Variants in ZNF169 observed in about 807,000 individuals in gnomAD.
ZNF169 encodes zinc finger protein 169.
Under a neutral mutation model 12.0 loss-of-function variants are expected in ZNF169, and 11 were observed. That is an observed-to-expected ratio of 0.92 (90% CI 0.58 to 1.52). The LOEUF is 1.52. Ranked by LOEUF, ZNF169 falls within the 40% of genes most tolerant of loss-of-function variation. ZNF169 has a pLI of 0.00. For synonymous variants in ZNF169, 302 were observed against 286.5 expected (o/e 1.05, Z -0.55); for missense variants, 722 against 744.0 (o/e 0.97, Z 0.34).
chr9:94,296,917 C>T (rs966221778), intron 4 of ZNF169: 15 of 432,482 alleles, frequency 3.5e-5, no homozygotes, highest in South Asian at 1.2e-4. Context: ...TGTGGTGGTG[C>T]GCACCTGTAA....
intron 2 of ZNF169, chr9:94,287,952 T>G (rs541927539): frequency 3.6e-5 from 30 of 832,502 alleles, no homozygotes; most frequent in South Asian, 3.6e-4. Context: ...CTCCAACTTC[T>G]TGTTCACCTT....
In ZNF169 at chr9:94,278,752, C is replaced by T. The variant is rs1830567341; in HGVS notation, c.-55-6C>T. On this transcript the variant is annotated splice_polypyrimidine_tract_variant and splice_region_variant and intron_variant, in intron 1 of 4. Transcript: ENST00000395395. ...TACCTCTCTCACTTCTCATCTCTTT[C>T]CCCAGATTTGCCTCTGCAACTTGAC... 6.5e-7 allele frequency: 1 copy of T among 1,545,078 alleles called. No individual in the cohort carries two copies. Among genetic ancestry groups the T allele is most frequent in the African/African-American group, 1.4e-5 (1 of 73,556 alleles).
At chr9:94,293,501 C>G (rs1328040393) in intron 4 of ZNF169, 1 of 341,142 alleles carries the variant, frequency 2.9e-6, no homozygotes, top group Non-Finnish European at 5.4e-6. Flanking sequence ...ACTGCAACCT[C>G]TGCCTCCTGT....
intron 1 of ZNF169, among the ~76,000 whole-genome samples, chr9:94,271,323 C>T (rs1294782054): frequency 6.6e-6 from 1 of 151,616 alleles, no homozygotes; most frequent in Non-Finnish European, 1.5e-5. Flanking sequence ...TCTTGAACTC[C>T]TGAGTTCAAG....
Position 94,261,587 on chromosome 9 carries a change from T to TG in ZNF169, c.-56+2244dup, listed in dbSNP as rs1381571794. Reference sequence around the variant, plus strand: ...TCCCCCAAATCTGCAACCCCAAGTGTGGATCTCTTTGGAAATTGTCTCTTT... The same window carrying TG: ...TCCCCCAAATCTGCAACCCCAAGTGTGGGATCTCTTTGGAAATTGTCTCTTT... On this transcript the variant is annotated intron_variant, in intron 1 of 4. Coordinates refer to ENST00000395395, the MANE Select transcript of ZNF169 (RefSeq NM_194320.4). Among the ~76,000 whole-genome samples, 3 of 152,342 alleles carry TG rather than the reference T, an allele frequency of 2.0e-5. No homozygotes were observed. The East Asian group carries it at 5.8e-4, about 29-fold the overall frequency.
At chr9:94,290,704 T>C (rs897059393) in intron 2 of ZNF169, among the ~76,000 whole-genome samples, 7 of 152,226 alleles carry the variant, frequency 4.6e-5, no homozygotes, top group African/African-American at 1.2e-4. Flanking sequence ...TTCCAGTTGT[T>C]GTGAACAGTA....
In ZNF169 at chr9:94,292,993, A is replaced by C; in HGVS notation, c.180A>C (p.Pro60=). ...LVSLGIAFSK[P]KLIEQLEQGD... is the part of the protein sequence containing the mutation. ...GAGTAGGAATTGCATTTTCCAAACC[A>C]AAACTCATCGAACAGCTGGAGCAAG... The change falls in exon 4 of 5, where the codon CCA becomes CCC. Residue 60 remains proline, a synonymous_variant. Transcript: ENST00000395395. 6.2e-7 allele frequency: 1 copy of C among 1,612,954 alleles called. No individual in the cohort carries two copies. The highest frequency in any genetic ancestry group is 1.1e-5 in the South Asian group (1 of 90,786).
At chr9:94,270,807 T>TTA (rs1408100057) in intron 1 of ZNF169, among the ~76,000 whole-genome samples, 1 of 29,954 alleles carries the variant, frequency 3.3e-5, no homozygotes, top group African/African-American at 1.1e-4. Flanking sequence ...AATATATATA[T>TTA]TATATTATAT....
At chr9:94,275,082 A>T (rs908652976) in intron 1 of ZNF169, among the ~76,000 whole-genome samples, 1 of 152,034 alleles carries the variant, frequency 6.6e-6, no homozygotes, top group Non-Finnish European at 1.5e-5. Context: ...TATGAAAAAT[A>T]AAAAAATAGC....
At chr9:94,261,148 TCTC>T (rs899188015) in intron 1 of ZNF169, among the ~76,000 whole-genome samples, 6 of 151,992 alleles carry the variant, frequency 3.9e-5, no homozygotes, top group African/African-American at 1.5e-4. Flanking sequence ...TTCAAGGTAT[TCTC>T]CTGCCTCAGC....
At chr9:94,263,490 A>C (rs1830239719) in intron 1 of ZNF169, among the ~76,000 whole-genome samples, 1 of 147,630 alleles carries the variant, frequency 6.8e-6, no homozygotes, top group Non-Finnish European at 1.5e-5. Context: ...TAAAGTCTTT[A>C]TATTGTAGAC....
intron 4 of ZNF169, chr9:94,294,912 G>T (rs1359847258): frequency 6.6e-6 from 1 of 152,084 alleles, no homozygotes; most frequent in African/African-American, 2.4e-5. Flanking sequence ...CTTCTTACTT[G>T]TTTATTTTCA....
chr9:94,298,015 A>G (rs143718113), intron 4 of ZNF169, among the ~76,000 whole-genome samples: 384 of 152,012 alleles, frequency 2.5e-3, no homozygotes, highest in African/African-American at 8.7e-3. Flanking sequence ...AAAAATACAA[A>G]AAATTAGCCA....
In ZNF169 at chr9:94,300,994, C is replaced by A; in HGVS notation, c.1436C>A (p.Thr479Lys). ...QKVTLIRHQRTHTGEKPYLCP... is the reference protein window; with the variant it reads ...QKVTLIRHQRKHTGEKPYLCP... ...GTCACCCTCATCAGACACCAGAGGACACACACAGGGGAGAAGCCTTATCTG... is the reference window on the plus strand; with the variant it reads ...GTCACCCTCATCAGACACCAGAGGAAACACACAGGGGAGAAGCCTTATCTG... Residue 479 changes from threonine (T) to lysine (K), a missense_variant, in exon 5 of 5, where the codon ACA becomes AAA. Coordinates refer to ENST00000395395, the MANE Select transcript of ZNF169 (RefSeq NM_194320.4). 6.2e-7 allele frequency: 1 copy of A among 1,613,986 alleles called. No individual in the cohort carries two copies. The highest frequency in any genetic ancestry group is 8.5e-7 in the Non-Finnish European group (1 of 1,180,018).
chr9:94,292,819 G>A lies in ZNF169; in HGVS notation c.161-155G>A, dbSNP rs186005218. ...TAGGTCTAGGATCCCCTCCCTGTAT[G>A]CATCCTTTCTTAGCATTCAGACATA... is the stretch of plus-strand genomic sequence containing the variant. On this transcript the variant is annotated intron_variant, in intron 3 of 4. Coordinates refer to ENST00000395395, the MANE Select transcript of ZNF169 (RefSeq NM_194320.4). 6.6e-5 allele frequency among the ~76,000 whole-genome samples: 10 copies of A among 152,120 alleles called. No individual in the cohort carries two copies. In the East Asian group the frequency reaches 1.9e-3, roughly 30 times the overall value.
intron 4 of ZNF169, chr9:94,294,585 GT>G (rs1477704725): frequency 6.6e-6 from 1 of 152,208 alleles, no homozygotes; most frequent in East Asian, 1.9e-4. Context: ...GAGAATTCTT[GT>G]TGTACATCCT....
At chr9:94,293,274 TC>T in intron 4 of ZNF169, 1 of 603,300 alleles carries the variant, frequency 1.7e-6, no homozygotes, top group Non-Finnish European at 3.0e-6. Context: ...ATCTCCTTCC[TC>T]CATCAGGGAG....
chr9:94,287,899 T>G, intron 2 of ZNF169: 1 of 969,724 alleles, frequency 1.0e-6, no homozygotes, highest in Admixed American at 1.7e-5. Flanking sequence ...ATTCCGAAGC[T>G]AGTGTTACTG....
intron 1 of ZNF169, among the ~76,000 whole-genome samples, chr9:94,275,350 T>C (rs1488528043): frequency 6.6e-6 from 1 of 152,234 alleles, no homozygotes; most frequent in African/African-American, 2.4e-5. Flanking sequence ...CTGTAGTCCT[T>C]TGAAATTGGA....
Sources: gnomAD v4.1 joint callset for allele counts (sites outside exome capture counted in the v4.1 genomes callset) on GRCh38, gnomAD v4.1.1 for gene constraint, MANE v1.5 for transcripts, NCBI Gene and HGNC (gene_info 2026-07-23, HGNC 2026-07-21) for gene names.